The following ZBTB20 variants were observed in gnomAD, a reference collection of about 807,000 sequenced individuals.
ZBTB20 encodes zinc finger and BTB domain containing 20.
A neutral mutation model predicts 56.9 loss-of-function variants in ZBTB20; 9 were observed. The observed-to-expected ratio is 0.16, with a 90% CI of 0.10 to 0.28. ZBTB20 has a LOEUF of 0.28. Ranked by LOEUF, ZBTB20 falls within the 10% of genes least tolerant of loss-of-function variation. ZBTB20 has a pLI of 1.00. For missense variants in ZBTB20, 655 were observed against 1,003.0 expected (o/e 0.65, Z 4.69); for synonymous variants, 417 against 420.7 (o/e 0.99, Z 0.11).
intron 3 of ZBTB20, among the ~76,000 whole-genome samples, chr3:114,903,460 T>A (rs2075203381): frequency 6.6e-6 from 1 of 151,998 alleles, no homozygotes; most frequent in Non-Finnish European, 1.5e-5. Flanking sequence ...GAAGGCTTGT[T>A]GAAGACATCA....
chr3:114,321,541 C>G lies in ZBTB20; in HGVS notation c.*17464G>C, dbSNP rs879104545. ...AAGTTTCAATGGCAGGGGCTCTTTA[C>G]GTTAACTATACCTAACTGATGACTA... On this transcript the variant is annotated 3_prime_UTR_variant, in exon 12 of 12. Coordinates refer to ENST00000675478, the MANE Select transcript of ZBTB20 (RefSeq NM_001348800.3). 1 of 152,114 alleles carries G rather than the reference C, an allele frequency of 6.6e-6. No homozygotes were observed. The highest frequency in any genetic ancestry group is 6.5e-5 in the Admixed American group (1 of 15,272). 9.4% of individuals were successfully genotyped at this position (152,114 alleles called of 1,614,324 possible). A position where few individuals can be genotyped will look rare whatever the true frequency, so the allele number is the denominator to read the frequency against.
In ZBTB20 at chr3:114,321,458, C is replaced by T. The variant is rs2078892520; in HGVS notation, c.*17547G>A. ...AGGGCTGGGTGGTTCTGGAGGGTCCCTCCCCTGCTATCACTGCCCACTGGC... is the reference window on the plus strand; with the variant it reads ...AGGGCTGGGTGGTTCTGGAGGGTCCTTCCCCTGCTATCACTGCCCACTGGC... On this transcript the variant is annotated 3_prime_UTR_variant, in exon 12 of 12. Coordinates refer to ENST00000675478, the MANE Select transcript of ZBTB20 (RefSeq NM_001348800.3). 6.6e-6 allele frequency: 1 copy of T among 152,310 alleles called. No homozygotes were observed. Among genetic ancestry groups the T allele is most frequent in the African/African-American group, 2.4e-5 (1 of 41,466 alleles). The allele number at this position is 152,310 out of a possible 1,614,324, so 9.4% of individuals were successfully genotyped here. A position where few individuals can be genotyped will look rare whatever the true frequency, so the allele number is the denominator to read the frequency against.
intron 6 of ZBTB20, among the ~76,000 whole-genome samples, chr3:114,539,927 A>G (rs962112436): frequency 8.1e-6 from 1 of 123,960 alleles, no homozygotes; most frequent in African/African-American, 3.1e-5. Context: ...TCTAACTTTT[A>G]TTTTAAGTTC....
At chr3:114,443,491 C>T (rs759891428) in intron 7 of ZBTB20, among the ~76,000 whole-genome samples, 9 of 152,106 alleles carry the variant, frequency 5.9e-5, no homozygotes, top group Non-Finnish European at 8.8e-5. Flanking sequence ...AGGCACTGGC[C>T]ATAACCACCA....
At chr3:114,838,799 T>C (rs2074241076) in intron 4 of ZBTB20, among the ~76,000 whole-genome samples, 1 of 152,066 alleles carries the variant, frequency 6.6e-6, no homozygotes, top group Non-Finnish European at 1.5e-5. Context: ...GTTGGAGAAA[T>C]TCATAGAAGA....
chr3:114,622,841 C>G (rs2058412587), intron 6 of ZBTB20, among the ~76,000 whole-genome samples: 1 of 152,106 alleles, frequency 6.6e-6, no homozygotes, highest in Non-Finnish European at 1.5e-5. Context: ...CAAGGACAAC[C>G]AAAACAATAA....
At chr3:114,825,347 C>G (rs2073471077) in intron 4 of ZBTB20, among the ~76,000 whole-genome samples, 2 of 151,948 alleles carry the variant, frequency 1.3e-5, no homozygotes, top group African/African-American at 4.8e-5. Context: ...ACCAAGGCCA[C>G]TTAAACATAT....
intron 6 of ZBTB20, among the ~76,000 whole-genome samples, chr3:114,632,891 A>G (rs111245732): frequency 0.027 from 4,079 of 152,230 alleles, 169 homozygotes; most frequent in African/African-American, 0.093. Context: ...GGAGGAGACT[A>G]CCTTTCTTCA....
At chr3:114,831,622 T>C (rs180788461) in intron 4 of ZBTB20, among the ~76,000 whole-genome samples, 1 of 152,190 alleles carries the variant, frequency 6.6e-6, no homozygotes, top group African/African-American at 2.4e-5. Flanking sequence ...ATGTTTGTCA[T>C]TATTATTGAT....
At chr3:114,831,831 T>G (rs903088608) in intron 4 of ZBTB20, among the ~76,000 whole-genome samples, 2 of 152,062 alleles carry the variant, frequency 1.3e-5, no homozygotes, top group Non-Finnish European at 2.9e-5. Context: ...CTACCTCATC[T>G]TTTTAAACAG....
intron 7 of ZBTB20, among the ~76,000 whole-genome samples, chr3:114,419,797 G>A (rs1270465685): frequency 1.3e-5 from 2 of 152,056 alleles, no homozygotes. Flanking sequence ...GAAACATACC[G>A]TGTGCATGCT....
intron 6 of ZBTB20, among the ~76,000 whole-genome samples, chr3:114,554,648 C>T (rs2050984968): frequency 6.6e-6 from 1 of 152,156 alleles, no homozygotes; most frequent in Non-Finnish European, 1.5e-5. Context: ...GGCTTGTACA[C>T]AAGACTTCTA....
intron 2 of ZBTB20, among the ~76,000 whole-genome samples, chr3:114,974,735 C>G (rs1442227261): frequency 4.6e-5 from 7 of 151,924 alleles, no homozygotes; most frequent in Admixed American, 4.6e-4. Context: ...AAAGCAAATC[C>G]CAAATTGCTT....
At chr3:114,345,926 C>T (rs898587050) in intron 11 of ZBTB20, among the ~76,000 whole-genome samples, 1 of 152,172 alleles carries the variant, frequency 6.6e-6, no homozygotes, top group African/African-American at 2.4e-5. Context: ...GCACTGCTTT[C>T]TTCCCTGACA....
intron 4 of ZBTB20, among the ~76,000 whole-genome samples, chr3:114,883,361 G>T (rs1001030517): frequency 2.0e-5 from 3 of 152,166 alleles, no homozygotes; most frequent in Admixed American, 6.5e-5. Context: ...GTTTAGTTCT[G>T]CCAAGGTGTT....
At chr3:114,945,333 C>A (rs765920992) in intron 3 of ZBTB20, among the ~76,000 whole-genome samples, 23 of 143,902 alleles carry the variant, frequency 1.6e-4, no homozygotes, top group Non-Finnish European at 2.8e-4. Context: ...TAGAGAAATG[C>A]AAAAAATAAA....
intron 1 of ZBTB20, among the ~76,000 whole-genome samples, chr3:115,126,077 CAT>C (rs2084324236): frequency 6.6e-6 from 1 of 152,066 alleles, no homozygotes; most frequent in Non-Finnish European, 1.5e-5. Flanking sequence ...GGAAAAGACA[CAT>C]GTAGGAAAAC....
At position 114,624,887 on chromosome 3, in the gene ZBTB20, C is replaced by T. The variant is rs570236620; in HGVS notation, c.-295+68641G>A. 3.9e-5 allele frequency: 6 copies of T among 152,650 alleles called. No individual in the cohort carries two copies. The East Asian group carries it at 9.7e-4, about 25-fold the overall frequency. 9.5% of individuals were successfully genotyped at this position (152,650 alleles called of 1,614,324 possible). A position where few individuals can be genotyped will look rare whatever the true frequency, so the allele number is the denominator to read the frequency against. The stretch of plus-strand genomic sequence containing the variant: ...GTTTTATCTACTTACTCTTTCTGCT[C>T]GGGAGGCTGAGGTTCCTACATTTCC... On this transcript the variant is annotated intron_variant, in intron 6 of 11. Transcript: ENST00000675478.
intron 4 of ZBTB20, among the ~76,000 whole-genome samples, chr3:114,895,181 T>C (rs1216045621): frequency 6.6e-6 from 1 of 152,086 alleles, no homozygotes; most frequent in African/African-American, 2.4e-5. Context: ...AATCAGAAAA[T>C]CTTACCACAC....
Sources: gnomAD v4.1 joint callset for allele counts (sites outside exome capture counted in the v4.1 genomes callset) on GRCh38, gnomAD v4.1.1 for gene constraint, MANE v1.5 for transcripts, NCBI Gene and HGNC (gene_info 2026-07-23, HGNC 2026-07-21) for gene names.